FAM124A: variants seen among roughly 807,000 people sequenced by gnomAD.
FAM124A encodes family with sequence similarity 124 member A, also known as protein FAM124A.
FAM124A carries 23 observed loss-of-function variants against 24.5 expected under a neutral mutation model. The ratio of observed to expected loss-of-function variants is 0.94; its 90% CI spans 0.68 to 1.33. FAM124A has a LOEUF of 1.33. Ranked by LOEUF, FAM124A falls within the 40% of genes most tolerant of loss-of-function variation. FAM124A has a pLI of 0.00. For synonymous variants in FAM124A, 287 were observed against 314.7 expected, an observed-to-expected ratio of 0.91 and a Z score of 0.93; for missense variants, 623 against 722.8, an observed-to-expected ratio of 0.86 and a Z score of 1.58.
intron 3 of FAM124A, among the ~76,000 whole-genome samples, chr13:51,271,333 G>A (rs527738916): frequency 2.6e-5 from 4 of 152,246 alleles, no homozygotes; most frequent in Non-Finnish European, 5.9e-5. Flanking sequence ...GGTTGCAAGA[G>A]TTTAGTTCAC....
Position 51,251,523 on chromosome 13 carries a change from C to T in FAM124A, c.156C>T (p.Ile52=). ...CTTTCCTGGTCAGCATCCACATAAT[C>T]GCAGACCCAGGGGAGTCCCAGCCCC... The part of the protein sequence containing the change: ...QDPFLVSIHI[I]ADPGESQPLQ... The change falls in exon 3 of 4, where the codon ATC becomes ATT. Residue 52 remains isoleucine (I), a synonymous_variant. Coordinates refer to ENST00000322475, the MANE Select transcript of FAM124A (RefSeq NM_001242312.2). This position sits in a 1 kb window ranked among gnomAD's most constrained non-coding sequence, Gnocchi z 5.3. 4.0e-6 allele frequency: 6 copies of T among 1,513,770 alleles called. No individual in the cohort carries two copies. Among genetic ancestry groups the T allele is most frequent in the Non-Finnish European group, 5.3e-6 (6 of 1,130,564 alleles). 93.8% of individuals were successfully genotyped at this position (1,513,770 alleles called of 1,614,324 possible). A position where few individuals can be genotyped will look rare whatever the true frequency, so the allele number is the denominator to read the frequency against.
intron 1 of FAM124A, among the ~76,000 whole-genome samples, chr13:51,230,924 C>T (rs932225011): frequency 5.3e-5 from 8 of 152,204 alleles, no homozygotes; most frequent in South Asian, 2.1e-4. Flanking sequence ...CGCTGGGATC[C>T]TCTGCTTATG....
At chr13:51,269,225 C>A (rs1954817210) in intron 3 of FAM124A, among the ~76,000 whole-genome samples, 1 of 152,192 alleles carries the variant, frequency 6.6e-6, no homozygotes, top group Non-Finnish European at 1.5e-5. Flanking sequence ...GCTTAATGGA[C>A]ACTTAATCCC....
intron 3 of FAM124A, among the ~76,000 whole-genome samples, chr13:51,256,919 T>C (rs1954681088): frequency 6.6e-6 from 1 of 152,262 alleles, no homozygotes; most frequent in Non-Finnish European, 1.5e-5. Context: ...AAGTACCTCA[T>C]ATAAGTGGGA....
At chr13:51,232,707 A>T (rs1954391069) in intron 2 of FAM124A, among the ~76,000 whole-genome samples, 1 of 152,218 alleles carries the variant, frequency 6.6e-6, no homozygotes, top group Admixed American at 6.5e-5. Context: ...CTAAAACCAG[A>T]GAAAGCTCAG....
At chr13:51,259,653 C>T (rs1954713440) in intron 3 of FAM124A, among the ~76,000 whole-genome samples, 1 of 152,156 alleles carries the variant, frequency 6.6e-6, no homozygotes, top group Admixed American at 6.5e-5. Context: ...CTCTCATTCT[C>T]AGACACAGAT....
chr13:51,240,834 C>G (rs560516180), intron 2 of FAM124A, among the ~76,000 whole-genome samples: 2 of 152,212 alleles, frequency 1.3e-5, no homozygotes, highest in Non-Finnish European at 2.9e-5. Flanking sequence ...TCTCAGGGAT[C>G]CCAATGCCTG....
chr13:51,251,862 G>T lies in FAM124A; in HGVS notation c.495G>T (p.Val165=). 6.2e-7 allele frequency: 1 copy of T among 1,613,384 alleles called. No homozygotes were observed. The highest frequency in any genetic ancestry group is 8.5e-7 in the Non-Finnish European group (1 of 1,179,766). ...CGCCGCTTTGGGCCATCCGGCCCGT[G>T]CACTACGGCAAGGAAATCGTGCGCT... The part of the protein sequence containing the change: ...PGTPLWAIRP[V]HYGKEIVRFT... The change falls in exon 3 of 4, where the codon GTG becomes GTT. Residue 165 remains valine, a synonymous_variant. Transcript: ENST00000322475. The surrounding 1 kb of genome is among the most constrained non-coding windows in gnomAD (Gnocchi z 5.3).
At chr13:51,249,058 A>G (rs1285190890) in intron 2 of FAM124A, among the ~76,000 whole-genome samples, 1 of 152,162 alleles carries the variant, frequency 6.6e-6, no homozygotes, top group Non-Finnish European at 1.5e-5. Context: ...TTCCAGCTGC[A>G]TCTGTTGCCA....
At chr13:51,245,994 GCTTT>G (rs1474128255) in intron 2 of FAM124A, among the ~76,000 whole-genome samples, 3 of 152,302 alleles carry the variant, frequency 2.0e-5, no homozygotes, top group Admixed American at 6.5e-5. Flanking sequence ...CTTGTACACT[GCTTT>G]CTTTAACACT....
chr13:51,230,075 T>TTATATATATATATATATATATA (rs5803560), intron 1 of FAM124A, among the ~76,000 whole-genome samples: 2 of 150,918 alleles, frequency 1.3e-5, no homozygotes, highest in Admixed American at 6.6e-5. Flanking sequence ...AAATATTGAA[T>TTATATATATATATATATATATA]TATATATATA....
Position 51,251,840 on chromosome 13 carries a change from CGCTTTGGGCCATCCGGCCCGTGCACTACG to C in FAM124A, c.476_504del (p.Leu159GlnfsTer17), listed in dbSNP as rs1954626930. On this transcript the variant is annotated frameshift_variant, in exon 3 of 4. Coordinates refer to ENST00000322475, the MANE Select transcript of FAM124A (RefSeq NM_001242312.2). LOFTEE classifies it high-confidence loss of function. This position sits in a 1 kb window ranked among gnomAD's most constrained non-coding sequence, Gnocchi z 5.3. ...TTCTTCACGCTGGCCCCTGGGACGC[CGCTTTGGGCCATCCGGCCCGTGCACTACG>C]GCAAGGAAATCGTGCGCTTCACCGT... 1 of 1,610,126 alleles carries C rather than the reference CGCTTTGGGCCATCCGGCCCGTGCACTACG, an allele frequency of 6.2e-7. No individual in the cohort carries two copies. The highest frequency in any genetic ancestry group is 8.5e-7 in the Non-Finnish European group (1 of 1,178,300).
chr13:51,262,326 A>C (rs1954745523), intron 3 of FAM124A, among the ~76,000 whole-genome samples: 1 of 150,196 alleles, frequency 6.7e-6, no homozygotes, highest in South Asian at 2.1e-4. Flanking sequence ...CATACTTTTA[A>C]TTATAATTTT....
intron 2 of FAM124A, among the ~76,000 whole-genome samples, chr13:51,242,098 T>C (rs533981876): frequency 6.6e-6 from 1 of 152,324 alleles, no homozygotes; most frequent in East Asian, 1.9e-4. Flanking sequence ...TGTTTTGTTC[T>C]TTTTGGTAGA....
In FAM124A at chr13:51,252,069, C is replaced by T. The variant is rs149874206; in HGVS notation, c.702C>T (p.Thr234=). 9.3e-6 allele frequency: 15 copies of T among 1,614,112 alleles called. No individual in the cohort carries two copies. In the African/African-American group the frequency reaches 1.6e-4, roughly 17 times the overall value. The change falls in exon 3 of 4, where the codon ACC becomes ACT. Residue 234 remains threonine (T), a synonymous_variant. Coordinates refer to ENST00000322475, the MANE Select transcript of FAM124A (RefSeq NM_001242312.2). ...CCTGTGACCAGTGCCCGGTGCCCAC[C>T]GACTCCTCCGTGCTGGAGTTCCGAG... ...RLPCDQCPVP[T]DSSVLEFRVR... is the part of the protein sequence containing the mutation.
rs1954664856 is a variant in FAM124A at position 51,255,397 on chromosome 13, C to T, written c.834+3196C>T. On this transcript the variant is annotated intron_variant, in intron 3 of 3. Transcript: ENST00000322475. The stretch of plus-strand genomic sequence containing the variant: ...CCTCACTGGCACTAGACACATGTGG[C>T]TAGTGGCTACTGTACTGGATAGCAC... Among the ~76,000 whole-genome samples the T allele has an allele frequency of 1.3e-5, 2 of 152,154 alleles. 1 individual carries two copies. The highest frequency in any genetic ancestry group is 4.1e-4 in the South Asian group (2 of 4,820).
At chr13:51,267,427 A>G (rs970136959) in intron 3 of FAM124A, among the ~76,000 whole-genome samples, 2 of 152,230 alleles carry the variant, frequency 1.3e-5, no homozygotes, top group African/African-American at 4.8e-5. Context: ...AGATTTTTCT[A>G]GACCTCAAAA....
In FAM124A at chr13:51,251,823, G is replaced by C. The variant is rs1166602449; in HGVS notation, c.456G>C (p.Thr152=). The C allele has an allele frequency of 6.2e-7, 1 of 1,603,570 alleles. No individual in the cohort carries two copies. Residue 152 remains threonine (T), a synonymous_variant, in exon 3 of 4, where the codon ACG becomes ACC. Transcript: ENST00000322475. This position sits in a 1 kb window ranked among gnomAD's most constrained non-coding sequence, Gnocchi z 5.3. The part of the protein sequence containing the change: ...PYLPCSQDFF[T]LAPGTPLWAI... ...TGCCCTGCAGCCAGGACTTCTTCAC[G>C]CTGGCCCCTGGGACGCCGCTTTGGG... is the stretch of plus-strand genomic sequence containing the variant.
At chr13:51,274,592 C>T (rs528755383) in intron 3 of FAM124A, among the ~76,000 whole-genome samples, 2 of 152,122 alleles carry the variant, frequency 1.3e-5, no homozygotes, top group East Asian at 3.9e-4. Context: ...GTCCTCATAA[C>T]TTTTTTCTGT....
Sources: allele counts gnomAD v4.1 joint callset (sites outside exome capture counted in the v4.1 genomes callset), GRCh38; gene constraint gnomAD v4.1.1; non-coding constraint Gnocchi (gnomAD v3.1); transcripts MANE v1.5; gene names NCBI Gene and HGNC (gene_info 2026-07-23, HGNC 2026-07-21).